The following GRIK2 variants were observed in gnomAD, a reference collection of about 807,000 sequenced individuals.
The protein encoded by GRIK2 is glutamate ionotropic receptor kainate type subunit 2.
In GRIK2, 32 loss-of-function variants were observed where a neutral mutation model predicts 100.3. The observed-to-expected ratio is 0.32, with a 90% CI of 0.24 to 0.43. The LOEUF (loss-of-function observed/expected upper bound fraction) is 0.43, where lower values mean the gene tolerates loss of function less well. Ranked by LOEUF, GRIK2 falls within the 20% of genes least tolerant of loss-of-function variation. The pLI, the probability that GRIK2 is intolerant of heterozygous loss-of-function variation, is 1.00. For synonymous variants in GRIK2, 417 were observed against 389.4 expected, an observed-to-expected ratio of 1.07 and a Z score of -0.83; for missense variants, 843 against 1,114.9, an observed-to-expected ratio of 0.76 and a Z score of 3.47.
At chr6:101,718,351 C>T (rs1774212974) in intron 7 of GRIK2, among the ~76,000 whole-genome samples, 1 of 151,728 alleles carries the variant, frequency 6.6e-6, no homozygotes, top group South Asian at 2.1e-4. Context: ...ATTATAAGAA[C>T]CATTTTATTA....
At chr6:102,041,261 A>G (rs1194051063) in intron 15 of GRIK2, among the ~76,000 whole-genome samples, 1 of 151,668 alleles carries the variant, frequency 6.6e-6, no homozygotes, top group African/African-American at 2.4e-5. Context: ...GAAATGGATA[A>G]TTCTCATAAA....
At chr6:101,754,977 G>C (rs1777035238) in intron 7 of GRIK2, among the ~76,000 whole-genome samples, 1 of 152,110 alleles carries the variant, frequency 6.6e-6, no homozygotes, top group Non-Finnish European at 1.5e-5. Context: ...GATCCTTTCA[G>C]CGATGTAGGC....
chr6:101,676,918 T>C, intron 5 of GRIK2, 114 bp downstream of exon 5: 4 of 592,648 alleles, frequency 6.7e-6, no homozygotes. Flanking sequence ...AACCTTGATG[T>C]AATTTTATGA....
At chr6:101,896,091 C>T (rs1395663747) in intron 12 of GRIK2, among the ~76,000 whole-genome samples, 1 of 151,392 alleles carries the variant, frequency 6.6e-6, no homozygotes, top group Non-Finnish European at 1.5e-5. Flanking sequence ...TACAATGTAC[C>T]TCTTTATTTT....
chr6:101,728,134 A>C (rs181538680), intron 7 of GRIK2, among the ~76,000 whole-genome samples: 1 of 152,134 alleles, frequency 6.6e-6, no homozygotes, highest in African/African-American at 2.4e-5. Flanking sequence ...TATTTGAAAT[A>C]ATTTGGTTAA....
intron 15 of GRIK2, among the ~76,000 whole-genome samples, chr6:102,038,101 T>C (rs1051230500): frequency 6.6e-6 from 1 of 151,434 alleles, no homozygotes; most frequent in Non-Finnish European, 1.5e-5. Context: ...AAGAGGATTG[T>C]ATATCTCAGG....
At chr6:101,673,677 T>C (rs905736962) in intron 4 of GRIK2, among the ~76,000 whole-genome samples, 2 of 152,230 alleles carry the variant, frequency 1.3e-5, no homozygotes, top group African/African-American at 4.8e-5. Context: ...TTGGAATAAT[T>C]TCCCCTGAGT....
At chr6:101,850,832 C>A (rs1784089581) in intron 10 of GRIK2, among the ~76,000 whole-genome samples, 1 of 151,948 alleles carries the variant, frequency 6.6e-6, no homozygotes, top group Non-Finnish European at 1.5e-5. Flanking sequence ...TTAAGTTGCC[C>A]AGGAGAGTTT....
chr6:101,791,231 G>A (rs143104776), intron 7 of GRIK2, among the ~76,000 whole-genome samples: 5,077 of 152,020 alleles, frequency 0.033, 197 homozygotes, highest in African/African-American at 0.094. Flanking sequence ...GATTTTAGTT[G>A]TTTCTTGCCT....
chr6:102,002,729 G>A (rs1795015855), intron 14 of GRIK2, among the ~76,000 whole-genome samples: 1 of 150,164 alleles, frequency 6.7e-6, no homozygotes, highest in African/African-American at 2.4e-5. Context: ...TAATTATTCA[G>A]TCACTGAAAG....
intron 16 of GRIK2, among the ~76,000 whole-genome samples, chr6:102,067,104 G>A (rs904970435): frequency 5.3e-5 from 8 of 151,622 alleles, no homozygotes; most frequent in Admixed American, 4.0e-4. Flanking sequence ...AAACTGTTAT[G>A]AAAACAATTT....
intron 10 of GRIK2, among the ~76,000 whole-genome samples, chr6:101,846,853 G>A (rs1213410388): frequency 6.6e-6 from 1 of 151,744 alleles, no homozygotes; most frequent in Non-Finnish European, 1.5e-5. Flanking sequence ...GGTAGCAAAG[G>A]CCCTCTTTTT....
chr6:101,954,051 A>G (rs770981647), intron 14 of GRIK2, among the ~76,000 whole-genome samples: 19 of 152,172 alleles, frequency 1.2e-4, no homozygotes, highest in Non-Finnish European at 2.5e-4. Flanking sequence ...CTAGTAAAAC[A>G]AGAAATGACC....
At chr6:101,424,730 C>T (rs78230506) in intron 2 of GRIK2, among the ~76,000 whole-genome samples, 3,927 of 151,536 alleles carry the variant, frequency 0.026, 193 homozygotes, top group African/African-American at 0.091. Flanking sequence ...CCCCCACCCA[C>T]AACAGTCCCC....
chr6:101,893,337 A>G (rs1406848960), intron 12 of GRIK2, among the ~76,000 whole-genome samples: 1 of 151,684 alleles, frequency 6.6e-6, no homozygotes, highest in African/African-American at 2.4e-5. Flanking sequence ...GGTCACAGAA[A>G]CAAAGGCATA....
At chr6:102,066,832 C>G (rs1772040878) in intron 16 of GRIK2, among the ~76,000 whole-genome samples, 1 of 151,538 alleles carries the variant, frequency 6.6e-6, no homozygotes, top group Non-Finnish European at 1.5e-5. Context: ...AATTGTGAAC[C>G]TTTACAGAAG....
rs1771346998 is a variant in GRIK2, at chr6:101,682,483, T to G, written c.724-70T>G. 4.0e-6 allele frequency: 3 copies of G among 754,854 alleles called. No homozygotes were observed. In the Admixed American group the frequency reaches 6.2e-5, roughly 16 times the overall value. The allele number at this position is 754,854 out of a possible 1,614,324, so 46.8% of individuals were successfully genotyped here. ...TTTATCACATCCTACTATATTTTGTTCTCACTTGAATTACTGACATACTGT... is the reference window on the plus strand; with the variant it reads ...TTTATCACATCCTACTATATTTTGTGCTCACTTGAATTACTGACATACTGT... On this transcript the variant is annotated intron_variant, in intron 5 of 16. Transcript: ENST00000369134.
intron 10 of GRIK2, among the ~76,000 whole-genome samples, chr6:101,821,104 C>G (rs934380730): frequency 6.6e-6 from 1 of 152,004 alleles, no homozygotes; most frequent in Non-Finnish European, 1.5e-5. Context: ...AGACGAAGTA[C>G]AGAACTTTCA....
chr6:101,761,787 CCCTCCCTT>C lies in GRIK2; in HGVS notation c.952-37857_952-37850del, dbSNP rs1383073298. Among the ~76,000 whole-genome samples the C allele has an allele frequency of 3.7e-5, 5 of 136,780 alleles. No individual in the cohort carries two copies. In the East Asian group the frequency reaches 7.6e-4, roughly 21 times the overall value. 89.7% of individuals were successfully genotyped at this position (136,780 alleles called of 152,430 possible). A position where few individuals can be genotyped will look rare whatever the true frequency, so the allele number is the denominator to read the frequency against. On this transcript the variant is annotated intron_variant, in intron 7 of 16. Coordinates refer to ENST00000369134, the MANE Select transcript of GRIK2 (RefSeq NM_021956.5). The stretch of plus-strand genomic sequence containing the variant: ...CCCCCATTTCCCTCCCTCCCTCCCT[CCCTCCCTT>C]CCTTTCTTCCTTCCTTCCTTCTTTT...
Sources: allele counts gnomAD v4.1 joint callset (sites outside exome capture counted in the v4.1 genomes callset), GRCh38; gene constraint gnomAD v4.1.1; transcripts MANE v1.5; gene names NCBI Gene and HGNC (gene_info 2026-07-23, HGNC 2026-07-21).